GPC6: variants seen among roughly 807,000 people sequenced by gnomAD.
GPC6 encodes the protein glypican-6.
In GPC6, 14 loss-of-function variants were observed where a neutral mutation model predicts 55.2. The ratio of observed to expected loss-of-function variants is 0.25; its 90% confidence interval spans 0.17 to 0.40. The LOEUF is 0.40. Ranked by LOEUF, GPC6 falls within the 10% of genes least tolerant of loss-of-function variation. The probability of loss-of-function intolerance (pLI) is 1.00; values close to 1 mark genes in which losing one functional copy is unlikely to be tolerated. For synonymous variants in GPC6, 278 were observed against 259.6 expected, an observed-to-expected ratio of 1.07 and a Z score of -0.68; for missense variants, 641 against 708.5, an observed-to-expected ratio of 0.90 and a Z score of 1.08.
intron 2 of GPC6, among the ~76,000 whole-genome samples, chr13:93,735,785 G>C (rs1883980848): frequency 6.6e-6 from 1 of 152,152 alleles, no homozygotes; most frequent in Non-Finnish European, 1.5e-5. Context: ...TGAATGGCTG[G>C]AGTTTTGCAG....
In GPC6 at chr13:94,063,375, T is replaced by C. The variant is rs139962405; in HGVS notation, c.877+35481T>C. ...ATGTTGCTGCAAGGGAGGGCTGTTATGTTTTACTATGTAGCTATGCTTAGC... is the reference window on the plus strand; with the variant it reads ...ATGTTGCTGCAAGGGAGGGCTGTTACGTTTTACTATGTAGCTATGCTTAGC... On this transcript the variant is annotated intron_variant, in intron 4 of 8. Coordinates refer to ENST00000377047, the MANE Select transcript of GPC6 (RefSeq NM_005708.5). Among the ~76,000 whole-genome samples the C allele has an allele frequency of 3.8e-3, 573 of 152,338 alleles. 6 individuals carry two copies. Among genetic ancestry groups the C allele is most frequent in the African/African-American group, 0.013 (552 of 41,580 alleles).
At chr13:93,326,317 G>A (rs530306201) in intron 1 of GPC6, among the ~76,000 whole-genome samples, 2 of 152,164 alleles carry the variant, frequency 1.3e-5, no homozygotes, top group Non-Finnish European at 2.9e-5. Context: ...AGGTCTGGGT[G>A]GGGCTTGAGA....
chr13:93,666,792 A>G (rs1438473814), intron 2 of GPC6, among the ~76,000 whole-genome samples: 1 of 152,212 alleles, frequency 6.6e-6, no homozygotes. Flanking sequence ...TAGACATATG[A>G]TAAATCATTT....
At chr13:94,161,398 T>C (rs1228137911) in intron 4 of GPC6, among the ~76,000 whole-genome samples, 1 of 152,220 alleles carries the variant, frequency 6.6e-6, no homozygotes, top group Non-Finnish European at 1.5e-5. Flanking sequence ...GTCCTTGGTG[T>C]TCATAGACAC....
chr13:93,589,826 A>C lies in GPC6; in HGVS notation c.319+44405A>C, dbSNP rs189703994. 3.3e-3 allele frequency among the ~76,000 whole-genome samples: 500 copies of C among 152,356 alleles called. 1 individual carries two copies. Among genetic ancestry groups the C allele is most frequent in the Non-Finnish European group, 6.2e-3 (423 of 68,032 alleles). On this transcript the variant is annotated intron_variant, in intron 2 of 8. Transcript: ENST00000377047. ...ATTACACCTTTTGTTTGCTTTGCTC[A>C]AAATTAATCCTGATGACATCATGTG...
chr13:93,370,970 C>T (rs905782572), intron 1 of GPC6, among the ~76,000 whole-genome samples: 1 of 151,956 alleles, frequency 6.6e-6, no homozygotes, highest in Non-Finnish European at 1.5e-5. Flanking sequence ...ACCCTTTTGA[C>T]AAATTGAAAA....
intron 4 of GPC6, among the ~76,000 whole-genome samples, chr13:94,101,770 A>G (rs1159941510): frequency 6.6e-6 from 1 of 151,880 alleles, no homozygotes; most frequent in Non-Finnish European, 1.5e-5. Flanking sequence ...GATTAAATGC[A>G]TCTTATTTGG....
intron 2 of GPC6, among the ~76,000 whole-genome samples, chr13:93,610,026 G>A (rs568186669): frequency 3.3e-5 from 5 of 152,160 alleles, no homozygotes; most frequent in Non-Finnish European, 4.4e-5. Flanking sequence ...GCTGTTTCCT[G>A]TGACCCTGTC....
intron 1 of GPC6, among the ~76,000 whole-genome samples, chr13:93,541,836 T>A (rs1330882708): frequency 6.7e-6 from 1 of 149,354 alleles, no homozygotes; most frequent in African/African-American, 2.5e-5. Context: ...TTTTGAGAAG[T>A]GTCTGTTCAT....
At chr13:93,487,221 A>T (rs1055564483) in intron 1 of GPC6, among the ~76,000 whole-genome samples, 5 of 151,728 alleles carry the variant, frequency 3.3e-5, no homozygotes, top group African/African-American at 4.8e-5. Context: ...AAATTTTTAA[A>T]TTTTTTTTTA....
intron 2 of GPC6, among the ~76,000 whole-genome samples, chr13:93,822,134 A>C (rs1397668577): frequency 6.6e-6 from 1 of 152,090 alleles, no homozygotes; most frequent in East Asian, 1.9e-4. Context: ...ATATAAATAT[A>C]CACATTTCAT....
At chr13:93,470,637 T>C (rs1451098828) in intron 1 of GPC6, among the ~76,000 whole-genome samples, 1 of 152,166 alleles carries the variant, frequency 6.6e-6, no homozygotes, top group Non-Finnish European at 1.5e-5. Flanking sequence ...CTTGATATCA[T>C]GGTAATGACA....
intron 3 of GPC6, among the ~76,000 whole-genome samples, chr13:93,935,252 C>T (rs981015154): frequency 1.3e-5 from 2 of 152,100 alleles, no homozygotes; most frequent in African/African-American, 4.8e-5. Flanking sequence ...TTTTTCAACC[C>T]TTGGCCCCCT....
At chr13:94,198,791 A>G (rs1199167487) in intron 4 of GPC6, among the ~76,000 whole-genome samples, 1 of 152,230 alleles carries the variant, frequency 6.6e-6, no homozygotes, top group Non-Finnish European at 1.5e-5. Flanking sequence ...ACACATCCTA[A>G]GTGAAAAACC....
chr13:94,011,716 C>T (rs1200938054), intron 3 of GPC6, among the ~76,000 whole-genome samples: 1 of 152,112 alleles, frequency 6.6e-6, no homozygotes, highest in African/African-American at 2.4e-5. Context: ...GTGGGAATTC[C>T]GTATGGTGTG....
At chr13:94,204,153 CAA>C (rs1329045434) in intron 4 of GPC6, among the ~76,000 whole-genome samples, 1 of 151,978 alleles carries the variant, frequency 6.6e-6, no homozygotes, top group Non-Finnish European at 1.5e-5. Context: ...AAAAAGAGGA[CAA>C]AGAGTCAAAA....
chr13:94,051,791 A>G (rs1883957471), intron 4 of GPC6, among the ~76,000 whole-genome samples: 3 of 152,164 alleles, frequency 2.0e-5, no homozygotes, highest in African/African-American at 7.2e-5. Context: ...GTTTCACTGC[A>G]TAGAATTTGG....
Position 94,067,577 on chromosome 13 carries a change from TTATAG to T in GPC6, c.877+39684_877+39688del, listed in dbSNP as rs1566360481. Among the ~76,000 whole-genome samples, 225 of 130,374 alleles carry T rather than the reference TTATAG, an allele frequency of 1.7e-3. 1 individual carries two copies. Among genetic ancestry groups the T allele is most frequent in the African/African-American group, 5.8e-3 (195 of 33,752 alleles). 85.5% of individuals were successfully genotyped at this position (130,374 alleles called of 152,430 possible). A position where few individuals can be genotyped will look rare whatever the true frequency, so the allele number is the denominator to read the frequency against. ...AGTCCATGAGAGATAGATAGATAGA[TTATAG>T]ATAGATAGATAGATAGATAGATAGA... On this transcript the variant is annotated intron_variant, in intron 4 of 8. Coordinates refer to ENST00000377047, the MANE Select transcript of GPC6 (RefSeq NM_005708.5).
chr13:93,285,634 G>GTGTGTGTGTA lies in GPC6; in HGVS notation c.160+58027_160+58028insATGTGTGTGT, dbSNP rs1555287681. ...TATACTGCTGTGTGTGTGTGTGTGTGTGTGTGTGTGTGTGTGTGTGTGTGT... is the reference window on the plus strand; with the variant it reads ...TATACTGCTGTGTGTGTGTGTGTGTGTGTGTGTGTATGTGTGTGTGTGTGTGTGTGTGTGT... On this transcript the variant is annotated intron_variant, in intron 1 of 8. Transcript: ENST00000377047. Among the ~76,000 whole-genome samples, 727 of 146,990 alleles carry GTGTGTGTGTA rather than the reference G, an allele frequency of 4.9e-3. 2 individuals are homozygous for GTGTGTGTGTA. Among genetic ancestry groups the GTGTGTGTGTA allele is most frequent in the African/African-American group, 0.01 (407 of 39,598 alleles).
Sources: allele counts gnomAD v4.1 joint callset (sites outside exome capture counted in the v4.1 genomes callset), GRCh38; gene constraint gnomAD v4.1.1; transcripts MANE v1.5; gene names NCBI Gene and HGNC (gene_info 2026-07-23, HGNC 2026-07-21).